DIPK1A: variants seen among roughly 807,000 people sequenced by gnomAD.
DIPK1A encodes the protein divergent protein kinase domain 1A, also known as family with sequence similarity 69 member A.
In DIPK1A, 27 loss-of-function variants were observed where a neutral mutation model predicts 40.8. The ratio of observed to expected loss-of-function variants is 0.66; its 90% CI spans 0.49 to 0.91. The LOEUF (loss-of-function observed/expected upper bound fraction) is 0.91, where lower values mean the gene tolerates loss of function less well. Among genes scored for constraint, DIPK1A ranks in the 40% least tolerant of loss-of-function variants. DIPK1A has a pLI of 0.00. For synonymous variants in DIPK1A, 166 were observed against 171.3 expected, an observed-to-expected ratio of 0.97 and a Z score of 0.24; for missense variants, 412 against 505.7, an observed-to-expected ratio of 0.81 and a Z score of 1.78.
At chr1:92,880,929 C>T (rs192350684) in intron 1 of DIPK1A, among the ~76,000 whole-genome samples, 4 of 151,438 alleles carry the variant, frequency 2.6e-5, no homozygotes, top group Admixed American at 1.3e-4. Flanking sequence ...CGGTGGCTCA[C>T]GCTTGTAATC....
At chr1:92,875,841 C>T (rs1648096373) in intron 2 of DIPK1A, among the ~76,000 whole-genome samples, 3 of 151,630 alleles carry the variant, frequency 2.0e-5, no homozygotes, top group African/African-American at 4.8e-5. Flanking sequence ...TAGACTGATA[C>T]AGTCATTTTT....
At chr1:92,863,476 A>G (rs1647373276) in intron 2 of DIPK1A, among the ~76,000 whole-genome samples, 1 of 151,246 alleles carries the variant, frequency 6.6e-6, no homozygotes, top group Non-Finnish European at 1.5e-5. Context: ...TCATGCCTAC[A>G]ATCCCAGCAC....
At chr1:92,851,861 T>G (rs2100729050) in intron 2 of DIPK1A, among the ~76,000 whole-genome samples, 1 of 152,342 alleles carries the variant, frequency 6.6e-6, no homozygotes, top group Admixed American at 6.5e-5. Flanking sequence ...ACCATTATCC[T>G]GGTTGCAACA....
chr1:92,948,885 G>A (rs11164841), intron 1 of DIPK1A, among the ~76,000 whole-genome samples: 149,836 of 150,650 alleles, frequency 0.99, 74,517 homozygotes, highest in Middle Eastern at 1. Flanking sequence ...GCTCACTGCA[G>A]CCTCCACCTC....
intron 1 of DIPK1A, among the ~76,000 whole-genome samples, chr1:92,921,451 T>A (rs1365575988): frequency 6.6e-6 from 1 of 152,118 alleles, no homozygotes; most frequent in Non-Finnish European, 1.5e-5. Context: ...GACATAAGTA[T>A]AAGGTAGCAT....
intron 1 of DIPK1A, among the ~76,000 whole-genome samples, chr1:92,882,730 T>C (rs939771841): frequency 1.4e-4 from 22 of 152,204 alleles, no homozygotes; most frequent in African/African-American, 5.3e-4. Context: ...AATATAAAGA[T>C]TTAAAAATGT....
At chr1:92,948,476 T>G (rs976263650) in intron 1 of DIPK1A, among the ~76,000 whole-genome samples, 7 of 151,382 alleles carry the variant, frequency 4.6e-5, no homozygotes, top group Non-Finnish European at 1.0e-4. Flanking sequence ...TAGAGACGGG[T>G]TCTCATTATG....
At chr1:92,880,781 A>G (rs1187345333) in intron 1 of DIPK1A, among the ~76,000 whole-genome samples, 1 of 152,126 alleles carries the variant, frequency 6.6e-6, no homozygotes, top group Non-Finnish European at 1.5e-5. Context: ...GGGACAGGAG[A>G]ATCGCTTGAA....
intron 1 of DIPK1A, among the ~76,000 whole-genome samples, chr1:92,936,983 A>G (rs889604719): frequency 3.3e-5 from 5 of 152,252 alleles, no homozygotes; most frequent in Admixed American, 1.3e-4. Flanking sequence ...GCATAAACAT[A>G]GTCCCTGTAC....
At position 92,842,258 on chromosome 1, in the gene DIPK1A, A is replaced by T. The variant is rs746910290; in HGVS notation, c.*1125T>A. The T allele has an allele frequency of 2.0e-6, 2 of 989,818 alleles. No individual in the cohort carries two copies. Among genetic ancestry groups the T allele is most frequent in the Non-Finnish European group, 2.4e-6 (2 of 832,858 alleles). The allele number at this position is 989,818 out of a possible 1,614,324, so 61.3% of individuals were successfully genotyped here. A position where few individuals can be genotyped will look rare whatever the true frequency, so the allele number is the denominator to read the frequency against. On this transcript the variant is annotated 3_prime_UTR_variant, in exon 5 of 5. Coordinates refer to ENST00000370310, the MANE Select transcript of DIPK1A (RefSeq NM_001006605.5). ...TGGTGCTAATCCATGGCGTTGAAGG[A>T]AAGTTTTGAGAGAAAGCTGTCCAGT... is the stretch of plus-strand genomic sequence containing the variant.
At chr1:92,939,894 G>A (rs1359328240) in intron 1 of DIPK1A, among the ~76,000 whole-genome samples, 2 of 151,964 alleles carry the variant, frequency 1.3e-5, no homozygotes, top group East Asian at 1.9e-4. Context: ...AGAGGTTGCC[G>A]TGAGTTGAGA....
chr1:92,847,378 C>CAAGTT lies in DIPK1A; in HGVS notation c.298-24_298-20dup. On this transcript the variant is annotated intron_variant, in intron 3 of 4. Transcript: ENST00000370310. The stretch of plus-strand genomic sequence containing the variant: ...AATACATCTATGTAAAAAAGAGTGG[C>CAAGTT]AAGTTATGTATTATACTGAGTAGAA... The CAAGTT allele has an allele frequency of 6.4e-7, 1 of 1,572,232 alleles. No homozygotes were observed. The highest frequency in any genetic ancestry group is 8.7e-7 in the Non-Finnish European group (1 of 1,155,546).
chr1:92,833,189 A>G (rs565031895), intron 4 of DIPK1A: 8 of 648,924 alleles, frequency 1.2e-5, no homozygotes, highest in African/African-American at 1.8e-5. Flanking sequence ...TTATTGTTTT[A>G]TGAAACTACT....
chr1:92,942,870 G>A (rs1490567365), intron 1 of DIPK1A, among the ~76,000 whole-genome samples: 3 of 152,116 alleles, frequency 2.0e-5, no homozygotes, highest in Non-Finnish European at 1.5e-5. Context: ...TCACCATGTT[G>A]GTCAGGCTGG....
chr1:92,850,881 A>T lies in DIPK1A; in HGVS notation c.264T>A (p.Phe88Leu), dbSNP rs926414622. Residue 88 changes from phenylalanine (F) to leucine (L), a missense_variant, in exon 3 of 5, where the codon TTT becomes TTA. By Grantham distance (22) the Phe-to-Leu change is conservative (BLOSUM62 0). Coordinates refer to ENST00000370310, the MANE Select transcript of DIPK1A (RefSeq NM_001006605.5). Reference sequence around the variant, plus strand: ...TGGGCTTGGTGGATAAACATTTTCCAAAGTAAAGAGTTTCTGTAACACAAA... The same window carrying T: ...TGGGCTTGGTGGATAAACATTTTCCTAAGTAAAGAGTTTCTGTAACACAAA... ...NSLCVTETLY[F>L]GKCLSTKPNN... 6.4e-7 allele frequency: 1 copy of T among 1,569,378 alleles called. No individual in the cohort carries two copies. The highest frequency in any genetic ancestry group is 1.4e-5 in the African/African-American group (1 of 74,054).
chr1:92,853,802 G>A (rs909668921), intron 2 of DIPK1A, among the ~76,000 whole-genome samples: 1 of 152,216 alleles, frequency 6.6e-6, no homozygotes, highest in African/African-American at 2.4e-5. Context: ...ACAAAGAGAT[G>A]AATGGAGAAA....
chr1:92,854,944 G>A (rs1687933891), intron 2 of DIPK1A, among the ~76,000 whole-genome samples: 2 of 152,064 alleles, frequency 1.3e-5, no homozygotes, highest in South Asian at 4.1e-4. Flanking sequence ...ATGGTTTAGG[G>A]TTTCCAAGGA....
rs764663003 is a variant in DIPK1A, at chr1:92,847,295, T to C, written c.362A>G (p.His121Arg). ...VVKCQMEQAL[H>R]LDFGTELEPR... ...TTCCAATTCAGTTCCAAAATCAAGA[T>C]GAAGCGCTTGTTCCATTTGACATTT... Residue 121 changes from histidine (H) to arginine (R), a missense_variant, in exon 4 of 5, where the codon CAT (histidine) becomes CGT (arginine). His to Arg is a conservative substitution (Grantham distance 29). Transcript: ENST00000370310. 4 of 1,612,780 alleles carry C rather than the reference T, an allele frequency of 2.5e-6. No individual in the cohort carries two copies. Among genetic ancestry groups the C allele is most frequent in the East Asian group, 4.5e-5 (2 of 44,818 alleles).
intron 1 of DIPK1A, among the ~76,000 whole-genome samples, chr1:92,929,970 C>T (rs1016350135): frequency 6.6e-6 from 1 of 152,228 alleles, no homozygotes; most frequent in Non-Finnish European, 1.5e-5. Flanking sequence ...CTGGGCTTCA[C>T]TCCAACTAAA....
Sources: allele counts gnomAD v4.1 joint callset (sites outside exome capture counted in the v4.1 genomes callset), GRCh38; gene constraint gnomAD v4.1.1; transcripts MANE v1.5; gene names NCBI Gene and HGNC (gene_info 2026-07-23, HGNC 2026-07-21).